The following NUDT3 variants were observed in gnomAD, a reference collection of about 807,000 sequenced individuals.
The protein encoded by NUDT3 is diphosphoinositol polyphosphate phosphohydrolase 1.
In NUDT3, 9 loss-of-function variants were observed where a neutral mutation model predicts 23.6. That is an observed-to-expected ratio of 0.38 (90% CI 0.23 to 0.66). The LOEUF is 0.66. Ranked by LOEUF, NUDT3 falls within the 30% of genes least tolerant of loss-of-function variation. The pLI is 0.52. For missense variants in NUDT3, 172 were observed against 218.5 expected, an observed-to-expected ratio of 0.79 and a Z score of 1.34; for synonymous variants, 86 against 82.6, an observed-to-expected ratio of 1.04 and a Z score of -0.22.
At chr6:34,341,832 A>C (rs1296228445) in intron 2 of NUDT3, 30 bp downstream of exon 2, 12 of 1,596,632 alleles carry the variant, frequency 7.5e-6, no homozygotes, top group East Asian at 2.2e-5. Flanking sequence ...ATGACGAGGC[A>C]CAGCTGTGCC....
At chr6:34,315,907 T>C (rs1581861012) in intron 2 of NUDT3, among the ~76,000 whole-genome samples, 1 of 152,258 alleles carries the variant, frequency 6.6e-6, no homozygotes, top group East Asian at 1.9e-4. Flanking sequence ...TCTTTCTTCC[T>C]GCTTTCATAA....
In NUDT3 at chr6:34,281,351, C is replaced by G. The variant is rs1196999727; in HGVS notation, c.*7402G>C. 1 of 152,204 alleles carries G rather than the reference C, an allele frequency of 6.6e-6. No individual in the cohort carries two copies. Among genetic ancestry groups the G allele is most frequent in the Admixed American group, 6.5e-5 (1 of 15,280 alleles). The allele number at this position is 152,204 out of a possible 1,614,324, so 9.4% of individuals were successfully genotyped here. A position where few individuals can be genotyped will look rare whatever the true frequency, so the allele number is the denominator to read the frequency against. On this transcript the variant is annotated 3_prime_UTR_variant, in exon 5 of 5. Transcript: ENST00000607016. ...GTATGAAGATGCTACTACTGGCCTT[C>G]CACTTCCTCTCTCTGATACACCTAA...
chr6:34,291,238 CGTGATCCACCATGCCCA>C (rs1441393268), intron 4 of NUDT3, among the ~76,000 whole-genome samples: 3 of 151,978 alleles, frequency 2.0e-5, no homozygotes, highest in African/African-American at 7.3e-5. Flanking sequence ...GGATTACAAA[CGTGATCCACCATGCCCA>C]GTGATTTTAA....
chr6:34,288,763 C>T lies in NUDT3; in HGVS notation c.509G>A (p.Gly170Asp). 6.2e-7 allele frequency: 1 copy of T among 1,609,100 alleles called. No homozygotes were observed. ...ACAGGAAGTCTTCAGTCATCTGATG[C>T]CTGACATCGAGCTCTGAGCAGAAAC... is the stretch of plus-strand genomic sequence containing the variant. Reference protein sequence around the residue: ...YSVSAQSSMSGIR With the variant: ...YSVSAQSSMSDIR The change falls in exon 5 of 5, where the codon GGC becomes GAC. Residue 170 changes from glycine to aspartate, a missense_variant. Gly to Asp is a moderately conservative substitution (Grantham distance 94). Around this residue, in one of 3 missense-constraint regions of NUDT3, gnomAD observed 63 missense variants for 64.9 expected, o/e 0.97. Coordinates refer to ENST00000607016, the MANE Select transcript of NUDT3 (RefSeq NM_006703.4).
intron 1 of NUDT3, among the ~76,000 whole-genome samples, chr6:34,361,009 G>T (rs971183544): frequency 6.6e-6 from 1 of 152,114 alleles, no homozygotes; most frequent in African/African-American, 2.4e-5. Context: ...GACTGCGTGA[G>T]GTCAGGAGTT....
At chr6:34,375,269 G>A (rs1764903302) in intron 1 of NUDT3, among the ~76,000 whole-genome samples, 1 of 152,120 alleles carries the variant, frequency 6.6e-6, no homozygotes, top group Non-Finnish European at 1.5e-5. Flanking sequence ...GCTTGAAACG[G>A]GGAGGCAGAG....
intron 2 of NUDT3, among the ~76,000 whole-genome samples, chr6:34,335,418 A>G (rs1764194185): frequency 6.6e-6 from 1 of 152,092 alleles, no homozygotes; most frequent in Non-Finnish European, 1.5e-5. Context: ...GAATCAATAA[A>G]TATTTTATAA....
chr6:34,294,616 C>T (rs1291566008), intron 3 of NUDT3, among the ~76,000 whole-genome samples: 2 of 151,626 alleles, frequency 1.3e-5, no homozygotes, highest in Non-Finnish European at 2.9e-5. Context: ...ATCTCAGCTA[C>T]TTGGGAGACT....
chr6:34,388,121 C>G (rs1183164091), intron 1 of NUDT3, among the ~76,000 whole-genome samples: 1 of 152,140 alleles, frequency 6.6e-6, no homozygotes, highest in Non-Finnish European at 1.5e-5. Flanking sequence ...ACATGCTGTA[C>G]AGTTTTGCAG....
At chr6:34,372,982 C>A (rs13211736) in intron 1 of NUDT3, among the ~76,000 whole-genome samples, 3 of 150,342 alleles carry the variant, frequency 2.0e-5, no homozygotes, top group African/African-American at 4.9e-5. Flanking sequence ...AGAGAGAGAG[C>A]GAGAGCACGC....
In NUDT3 at chr6:34,285,237, T is replaced by C. The variant is rs985802179; in HGVS notation, c.*3516A>G. 6.6e-6 allele frequency: 1 copy of C among 152,230 alleles called. No homozygotes were observed. Among genetic ancestry groups the C allele is most frequent in the Non-Finnish European group, 1.5e-5 (1 of 68,050 alleles). The allele number at this position is 152,230 out of a possible 1,614,324, so 9.4% of individuals were successfully genotyped here. ...GAGGAAAATTAAGATTCCTGTTGTA[T>C]GGGCTGCACTGTTTCTGGAAGACTA... On this transcript the variant is annotated 3_prime_UTR_variant, in exon 5 of 5. Coordinates refer to ENST00000607016, the MANE Select transcript of NUDT3 (RefSeq NM_006703.4).
intron 4 of NUDT3, among the ~76,000 whole-genome samples, chr6:34,292,308 G>T (rs1336313519): frequency 6.6e-6 from 1 of 152,132 alleles, no homozygotes; most frequent in Non-Finnish European, 1.5e-5. Flanking sequence ...TGGCGGCAAG[G>T]CAAACACTAA....
chr6:34,353,494 G>A (rs903327503), intron 1 of NUDT3, among the ~76,000 whole-genome samples: 14 of 148,288 alleles, frequency 9.4e-5, no homozygotes, highest in South Asian at 4.2e-4. Flanking sequence ...CTCCAACTCC[G>A]GGGTTCAAAC....
intron 2 of NUDT3, among the ~76,000 whole-genome samples, chr6:34,318,761 C>T (rs937737179): frequency 1.3e-5 from 2 of 151,946 alleles, no homozygotes; most frequent in Admixed American, 6.6e-5. Context: ...TGAAGTCTCG[C>T]TATGTTGCCT....
intron 1 of NUDT3, among the ~76,000 whole-genome samples, chr6:34,346,917 G>A (rs568557160): frequency 6.4e-4 from 98 of 152,114 alleles, no homozygotes; most frequent in African/African-American, 1.9e-3. Flanking sequence ...CACCATGCTC[G>A]GCTAATTTTT....
At chr6:34,357,834 T>C (rs1296139238) in intron 1 of NUDT3, among the ~76,000 whole-genome samples, 3 of 152,192 alleles carry the variant, frequency 2.0e-5, no homozygotes, top group African/African-American at 7.2e-5. Flanking sequence ...AAATCTTTTC[T>C]TCTATAACTT....
intron 1 of NUDT3, 121 bp downstream of exon 1, chr6:34,392,143 C>A: frequency 1.5e-6 from 1 of 677,962 alleles, no homozygotes; most frequent in Non-Finnish European, 2.4e-6. Context: ...TCCATCGGAA[C>A]TTCATTCCGC....
intron 1 of NUDT3, among the ~76,000 whole-genome samples, chr6:34,375,660 C>T (rs1015439692): frequency 4.6e-5 from 7 of 152,162 alleles, no homozygotes; most frequent in Non-Finnish European, 1.5e-5. Context: ...GGAGTTTTCT[C>T]GAATTCATGT....
intron 2 of NUDT3, among the ~76,000 whole-genome samples, chr6:34,312,953 G>A (rs35782721): frequency 1.3e-5 from 2 of 152,186 alleles, no homozygotes; most frequent in Non-Finnish European, 2.9e-5. Flanking sequence ...GATCACCTGA[G>A]GTCAGGAGTT....
Sources: gnomAD v4.1 joint callset for allele counts (sites outside exome capture counted in the v4.1 genomes callset) on GRCh38, gnomAD v4.1.1 for gene constraint, gnomAD v4.1.1 regional missense constraint, MANE v1.5 for transcripts, NCBI Gene and HGNC (gene_info 2026-07-23, HGNC 2026-07-21) for gene names.